Variants in CSMD1 observed in about 807,000 individuals in gnomAD.
CSMD1 encodes the protein CUB and sushi domain-containing protein 1.
In CSMD1, 213 loss-of-function variants were observed where a neutral mutation model predicts 417.5. The ratio of observed to expected loss-of-function variants is 0.51; its 90% confidence interval spans 0.46 to 0.57. The LOEUF (loss-of-function observed/expected upper bound fraction) is 0.57, where lower values mean the gene tolerates loss of function less well. Ranked by LOEUF, CSMD1 falls within the 20% of genes least tolerant of loss-of-function variation. CSMD1 has a pLI of 0.00. For missense variants in CSMD1, 6,923 were observed against 4,529.7 expected (o/e 1.53, Z -15.17); for synonymous variants, 2,862 against 1,736.8 (o/e 1.65, Z -16.11).
At position 4,106,548 on chromosome 8, in the gene CSMD1, C is replaced by T. The variant is rs367943923; in HGVS notation, c.416-74449G>A. On this transcript the variant is annotated intron_variant, in intron 3 of 69. Coordinates refer to ENST00000635120, the MANE Select transcript of CSMD1 (RefSeq NM_033225.6). ...ATGATATTTTAAATTTAAGAGAAGC[C>T]ACATTAAAAAACTAAAAATGTGAGT... 3.3e-5 allele frequency among the ~76,000 whole-genome samples: 5 copies of T among 152,002 alleles called. No homozygotes were observed. The East Asian group carries it at 7.7e-4, about 24-fold the overall frequency.
intron 1 of CSMD1, among the ~76,000 whole-genome samples, chr8:4,769,584 A>G (rs763620003): frequency 6.6e-6 from 1 of 152,210 alleles, no homozygotes; most frequent in Non-Finnish European, 1.5e-5. Flanking sequence ...TTGCAAAATA[A>G]GCATTGTAAA....
chr8:3,785,440 G>T (rs1399456125), intron 5 of CSMD1, among the ~76,000 whole-genome samples: 1 of 152,170 alleles, frequency 6.6e-6, no homozygotes, highest in African/African-American at 2.4e-5. Flanking sequence ...ACCCAGCAAT[G>T]CCAAGATCAG....
chr8:4,580,502 A>G (rs1041449200), intron 2 of CSMD1, among the ~76,000 whole-genome samples: 2 of 152,214 alleles, frequency 1.3e-5, no homozygotes, highest in African/African-American at 4.8e-5. Flanking sequence ...TCCTAATATC[A>G]TGAGGTTCTG....
At chr8:3,734,759 TC>T (rs1402321555) in intron 6 of CSMD1, among the ~76,000 whole-genome samples, 2 of 152,168 alleles carry the variant, frequency 1.3e-5, no homozygotes, top group African/African-American at 2.4e-5. Context: ...TGTGGCTGCT[TC>T]TTCTGTAATC....
intron 1 of CSMD1, among the ~76,000 whole-genome samples, chr8:4,846,078 A>G (rs530661943): frequency 4.3e-4 from 66 of 152,284 alleles, no homozygotes; most frequent in African/African-American, 1.5e-3. Flanking sequence ...CTACGTCCCA[A>G]ATCAAACAGT....
chr8:3,754,133 A>G (rs1797524979), intron 5 of CSMD1, 91 bp from the exon 6 acceptor site: 8 of 739,152 alleles, frequency 1.1e-5, no homozygotes, highest in Non-Finnish European at 1.4e-5. Context: ...GATTACTTAA[A>G]TCCTTCATCT....
chr8:3,653,840 T>C (rs1585023949), intron 7 of CSMD1, among the ~76,000 whole-genome samples: 1 of 152,308 alleles, frequency 6.6e-6, no homozygotes, highest in African/African-American at 2.4e-5. Flanking sequence ...TAAATATATA[T>C]ATTTATCTTC....
chr8:3,153,257 G>A lies in CSMD1; in HGVS notation c.5915-1744C>T, dbSNP rs75128324. Among the ~76,000 whole-genome samples, 39 of 152,238 alleles carry A rather than the reference G, an allele frequency of 2.6e-4. No individual in the cohort carries two copies. The East Asian group carries it at 3.5e-3, about 14-fold the overall frequency. On this transcript the variant is annotated intron_variant, in intron 39 of 69. Transcript: ENST00000635120. ...CAACGTCAGGAACTTACCCTCTATG[G>A]TCTAAAAAGGGGAGGCATGAATAAC...
At chr8:3,711,461 C>G (rs549354360) in intron 6 of CSMD1, among the ~76,000 whole-genome samples, 1 of 152,276 alleles carries the variant, frequency 6.6e-6, no homozygotes, top group East Asian at 1.9e-4. Flanking sequence ...AGGTCCAACC[C>G]CAACCAAAGG....
chr8:3,877,338 T>C (rs1437584561), intron 5 of CSMD1, among the ~76,000 whole-genome samples: 2 of 152,122 alleles, frequency 1.3e-5, no homozygotes, highest in Admixed American at 6.5e-5. Flanking sequence ...GTGTCCATGA[T>C]GGGGGAGGCA....
At chr8:3,721,442 C>G (rs1013854890) in intron 6 of CSMD1, among the ~76,000 whole-genome samples, 1 of 152,146 alleles carries the variant, frequency 6.6e-6, no homozygotes, top group East Asian at 1.9e-4. Flanking sequence ...AAACAGTTAG[C>G]TGGCACATAT....
chr8:3,306,894 T>C (rs530332022), intron 25 of CSMD1, among the ~76,000 whole-genome samples: 1 of 151,980 alleles, frequency 6.6e-6, no homozygotes, highest in Non-Finnish European at 1.5e-5. Flanking sequence ...TAACTCATCA[T>C]CATAACTCAG....
At chr8:3,395,508 C>T (rs909044240) in intron 17 of CSMD1, among the ~76,000 whole-genome samples, 21 of 152,184 alleles carry the variant, frequency 1.4e-4, no homozygotes, top group African/African-American at 2.4e-5. Context: ...CTCATCATTT[C>T]AGAAGCTAAA....
At chr8:4,238,908 A>G (rs1715888028) in intron 3 of CSMD1, among the ~76,000 whole-genome samples, 1 of 152,152 alleles carries the variant, frequency 6.6e-6, no homozygotes, top group South Asian at 2.1e-4. Flanking sequence ...TTCTAGGTTA[A>G]ATTTATTAAT....
chr8:4,718,141 T>C (rs1465004344), intron 1 of CSMD1, among the ~76,000 whole-genome samples: 1 of 152,042 alleles, frequency 6.6e-6, no homozygotes, highest in African/African-American at 2.4e-5. Context: ...GCCCAGCATA[T>C]ATTTTACATT....
rs78667541 is a variant in CSMD1 at position 4,638,579 on chromosome 8, G to C, written c.86-1021C>G. Reference sequence around the variant, plus strand: ...CTTAGGAGGTGGAGCAGAAAGGAAGGTGTACCACAAAATGAGGGGACCAAG... The same window carrying C: ...CTTAGGAGGTGGAGCAGAAAGGAAGCTGTACCACAAAATGAGGGGACCAAG... On this transcript the variant is annotated intron_variant, in intron 1 of 69. Transcript: ENST00000635120. Among the ~76,000 whole-genome samples, 120 of 152,316 alleles carry C rather than the reference G, an allele frequency of 7.9e-4. 1 individual carries two copies. The East Asian group carries it at 0.02, about 25-fold the overall frequency.
At chr8:3,153,692 C>T (rs1819337880) in intron 39 of CSMD1, among the ~76,000 whole-genome samples, 2 of 152,186 alleles carry the variant, frequency 1.3e-5, no homozygotes, top group South Asian at 4.1e-4. Context: ...GGCAGCCCTG[C>T]AGGAGGGGCT....
chr8:3,278,090 A>C (rs1358276510), intron 26 of CSMD1, among the ~76,000 whole-genome samples: 2 of 152,186 alleles, frequency 1.3e-5, no homozygotes, highest in Admixed American at 1.3e-4. Flanking sequence ...TTCAAGGGAA[A>C]AAATATATGA....
chr8:3,113,174 C>G (rs752305719), intron 42 of CSMD1: 2 of 152,230 alleles, frequency 1.3e-5, no homozygotes, highest in African/African-American at 2.4e-5. Context: ...AGAGGAAGCT[C>G]TGCGTGGAGC....
Sources: gnomAD v4.1 joint callset for allele counts (sites outside exome capture counted in the v4.1 genomes callset) on GRCh38, gnomAD v4.1.1 for gene constraint, MANE v1.5 for transcripts, NCBI Gene and HGNC (gene_info 2026-07-23, HGNC 2026-07-21) for gene names.